DNER: variants seen among roughly 807,000 people sequenced by gnomAD.
DNER encodes delta/notch like EGF repeat containing.
A neutral mutation model predicts 78.2 loss-of-function variants in DNER; 33 were observed. The ratio of observed to expected loss-of-function variants is 0.42; its 90% CI spans 0.32 to 0.56. DNER has a LOEUF of 0.56. DNER is among the 20% of genes least tolerant of loss of function. The probability of loss-of-function intolerance (pLI) is 0.11; values close to 1 mark genes in which losing one functional copy is unlikely to be tolerated. For synonymous variants in DNER, 417 were observed against 384.8 expected (o/e 1.08, Z -0.98); for missense variants, 918 against 975.3 (o/e 0.94, Z 0.78).
chr2:229,508,881 AAAAAGAAAAGAAAAG>A (rs142109825), intron 6 of DNER, among the ~76,000 whole-genome samples: 61,635 of 136,940 alleles, frequency 0.45, 13,740 homozygotes, highest in African/African-American at 0.63. Flanking sequence ...ACTCCATCTC[AAAAAGAAAAGAAAAG>A]AAAAGAAAAG....
At chr2:229,424,323 A>C (rs992051970) in intron 8 of DNER, among the ~76,000 whole-genome samples, 8 of 152,324 alleles carry the variant, frequency 5.3e-5, no homozygotes, top group South Asian at 4.1e-4. Flanking sequence ...AGAGTTAGAG[A>C]GGTAAAGAAA....
chr2:229,609,398 A>C (rs997975363), intron 1 of DNER, among the ~76,000 whole-genome samples: 2 of 152,168 alleles, frequency 1.3e-5, no homozygotes, highest in African/African-American at 4.8e-5. Flanking sequence ...AGGTTGGAAA[A>C]ATCAAAAGAA....
chr2:229,520,831 G>A (rs1696080339), intron 5 of DNER, among the ~76,000 whole-genome samples: 1 of 152,170 alleles, frequency 6.6e-6, no homozygotes, highest in African/African-American at 2.4e-5. Flanking sequence ...ATATCCAAGT[G>A]CCAGGAAAAT....
At chr2:229,704,925 C>G (rs1699804471) in intron 1 of DNER, among the ~76,000 whole-genome samples, 1 of 152,192 alleles carries the variant, frequency 6.6e-6, no homozygotes, top group African/African-American at 2.4e-5. Flanking sequence ...TGCATTTTCC[C>G]TTTCTAAAGT....
At chr2:229,500,812 A>G (rs1695604838) in intron 6 of DNER, among the ~76,000 whole-genome samples, 1 of 152,180 alleles carries the variant, frequency 6.6e-6, no homozygotes. Flanking sequence ...AGCAGTATAC[A>G]CTGTACCCAA....
Position 229,585,970 on chromosome 2 carries a change from T to C in DNER, c.735A>G (p.Thr245=), listed in dbSNP as rs1231613689. ...SLILLWKVTA[T]GFQQCSLIDG... is the part of the protein sequence containing the mutation. Reference sequence around the variant, plus strand: ...CTATGAGGGAGCACTGTTGGAATCCTGTGGCCGTGACCTTCCAGAGCAAAA... The same window carrying C: ...CTATGAGGGAGCACTGTTGGAATCCCGTGGCCGTGACCTTCCAGAGCAAAA... Residue 245 remains threonine (T), a synonymous_variant, in exon 4 of 13, where the codon ACA becomes ACG. Transcript: ENST00000341772. 6.2e-7 allele frequency: 1 copy of C among 1,613,944 alleles called. No homozygotes were observed. The highest frequency in any genetic ancestry group is 1.3e-5 in the African/African-American group (1 of 74,936).
chr2:229,667,616 T>A (rs1189019868), intron 1 of DNER, among the ~76,000 whole-genome samples: 1 of 152,178 alleles, frequency 6.6e-6, no homozygotes, highest in Non-Finnish European at 1.5e-5. Flanking sequence ...CCCATAGCAT[T>A]TGCCCCAAAT....
chr2:229,703,000 A>G (rs1043303920), intron 1 of DNER, among the ~76,000 whole-genome samples: 4 of 151,570 alleles, frequency 2.6e-5, no homozygotes, highest in Non-Finnish European at 5.9e-5. Flanking sequence ...TCATCTCAAT[A>G]TGTGCCTGGG....
chr2:229,669,982 G>A (rs1486000737), intron 1 of DNER, among the ~76,000 whole-genome samples: 5 of 152,174 alleles, frequency 3.3e-5, no homozygotes, highest in Non-Finnish European at 7.3e-5. Flanking sequence ...AAGCTGCAGA[G>A]AGTCGCATCA....
intron 5 of DNER, among the ~76,000 whole-genome samples, chr2:229,526,706 C>T (rs1696217436): frequency 6.6e-6 from 1 of 152,200 alleles, no homozygotes; most frequent in Non-Finnish European, 1.5e-5. Context: ...AGTGCTCGCT[C>T]GCCACTGACT....
intron 4 of DNER, among the ~76,000 whole-genome samples, chr2:229,568,156 TC>T (rs1697145881): frequency 6.6e-6 from 1 of 152,086 alleles, no homozygotes; most frequent in Non-Finnish European, 1.5e-5. Flanking sequence ...AGTTTCCATT[TC>T]TTTTTTGGTT....
chr2:229,410,101 C>T (rs565791434), intron 9 of DNER, among the ~76,000 whole-genome samples: 3 of 152,266 alleles, frequency 2.0e-5, no homozygotes, highest in African/African-American at 7.2e-5. Flanking sequence ...GAGTCACCTT[C>T]TTTCACACCC....
chr2:229,655,647 C>T (rs1332570086), intron 1 of DNER, among the ~76,000 whole-genome samples: 3 of 152,110 alleles, frequency 2.0e-5, no homozygotes, highest in Non-Finnish European at 4.4e-5. Context: ...GTGACCACCC[C>T]CACAAAATGT....
intron 1 of DNER, among the ~76,000 whole-genome samples, chr2:229,664,899 GA>G (rs970345316): frequency 1.4e-4 from 21 of 146,478 alleles, no homozygotes; most frequent in East Asian, 9.9e-4. Context: ...GACCCTGTTG[GA>G]AAAAAAAAAA....
intron 1 of DNER, among the ~76,000 whole-genome samples, chr2:229,617,730 G>T (rs1277211499): frequency 6.6e-6 from 1 of 152,118 alleles, no homozygotes; most frequent in Non-Finnish European, 1.5e-5. Context: ...AACACAGGAG[G>T]ATCACTTGAG....
chr2:229,613,829 C>T (rs2154215269), intron 1 of DNER, among the ~76,000 whole-genome samples: 1 of 152,156 alleles, frequency 6.6e-6, no homozygotes, highest in Non-Finnish European at 1.5e-5. Context: ...TATCAAGCCC[C>T]CAAATCATTA....
chr2:229,515,150 T>C (rs1468927791), intron 5 of DNER, among the ~76,000 whole-genome samples: 1 of 152,230 alleles, frequency 6.6e-6, no homozygotes, highest in Non-Finnish European at 1.5e-5. Context: ...GATCTATCTG[T>C]TTTTTCATCA....
chr2:229,485,420 T>C (rs1276944336), intron 6 of DNER, among the ~76,000 whole-genome samples: 1 of 152,226 alleles, frequency 6.6e-6, no homozygotes, highest in African/African-American at 2.4e-5. Context: ...TTTGGTCTAA[T>C]ATAGGCTTGG....
rs563064326 is a variant in DNER at position 229,586,166 on chromosome 2, G to T, written c.681-142C>A. On this transcript the variant is annotated intron_variant, in intron 3 of 12. Coordinates refer to ENST00000341772, the MANE Select transcript of DNER (RefSeq NM_139072.4). ...AGATCGATGGCATAAACAGATACGC[G>T]GGCGTCCACTGTAAAGGCGTACACT... The T allele has an allele frequency of 4.9e-6, 5 of 1,021,750 alleles. No individual in the cohort carries two copies. The South Asian group carries it at 9.0e-5, about 18-fold the overall frequency. The allele number at this position is 1,021,750 out of a possible 1,614,324, so 63.3% of individuals were successfully genotyped here.
Sources: gnomAD v4.1 joint callset for allele counts (sites outside exome capture counted in the v4.1 genomes callset) on GRCh38, gnomAD v4.1.1 for gene constraint, MANE v1.5 for transcripts, NCBI Gene and HGNC (gene_info 2026-07-23, HGNC 2026-07-21) for gene names.